The following PRKCA variants were observed in gnomAD, a reference collection of about 807,000 sequenced individuals.
The protein encoded by PRKCA is protein kinase C alpha, also known as protein kinase C alpha type.
A neutral mutation model predicts 87.0 loss-of-function variants in PRKCA; 27 were observed. The ratio of observed to expected loss-of-function variants is 0.31; its 90% CI spans 0.23 to 0.43. The LOEUF is 0.43. Among genes scored for constraint, PRKCA ranks in the 20% least tolerant of loss-of-function variants. The probability of loss-of-function intolerance (pLI) is 1.00; values close to 1 mark genes in which losing one functional copy is unlikely to be tolerated. For missense variants in PRKCA, 518 were observed against 852.3 expected (o/e 0.61, Z 4.88); for synonymous variants, 329 against 311.1 (o/e 1.06, Z -0.61).
chr17:66,549,715 G>A (rs1242301684), intron 3 of PRKCA, among the ~76,000 whole-genome samples: 1 of 150,668 alleles, frequency 6.6e-6, no homozygotes. Flanking sequence ...AGAGAGAGGA[G>A]TAAAAAAAGA....
At chr17:66,664,530 A>G (rs1971990826) in intron 5 of PRKCA, among the ~76,000 whole-genome samples, 1 of 151,602 alleles carries the variant, frequency 6.6e-6, no homozygotes, top group South Asian at 2.1e-4. Context: ...GATAAGAGGT[A>G]TTGCCAGGTG....
At chr17:66,662,459 T>A (rs1971933538) in intron 5 of PRKCA, among the ~76,000 whole-genome samples, 1 of 151,978 alleles carries the variant, frequency 6.6e-6, no homozygotes, top group Non-Finnish European at 1.5e-5. Context: ...GGTTTGGGGG[T>A]CATCTTAGTT....
chr17:66,683,006 A>T (rs1399864775), intron 5 of PRKCA, among the ~76,000 whole-genome samples: 1 of 152,174 alleles, frequency 6.6e-6, no homozygotes, highest in Non-Finnish European at 1.5e-5. Flanking sequence ...AAATTACGTG[A>T]TGAGTTAGTT....
intron 16 of PRKCA, among the ~76,000 whole-genome samples, chr17:66,797,352 G>A (rs1975693734): frequency 6.6e-6 from 1 of 152,224 alleles, no homozygotes; most frequent in African/African-American, 2.4e-5. Flanking sequence ...TGGGTCCGTT[G>A]CATTCATTGA....
intron 2 of PRKCA, among the ~76,000 whole-genome samples, chr17:66,411,871 G>T (rs1911827270): frequency 6.7e-6 from 1 of 149,478 alleles, no homozygotes; most frequent in Non-Finnish European, 1.5e-5. Context: ...CTACTTTCTG[G>T]TAATTTTTGA....
intron 2 of PRKCA, among the ~76,000 whole-genome samples, chr17:66,449,844 T>C (rs562075128): frequency 1.3e-5 from 2 of 152,266 alleles, no homozygotes; most frequent in African/African-American, 4.8e-5. Flanking sequence ...GCCTCAGGTG[T>C]AGGCAGCTTT....
intron 3 of PRKCA, among the ~76,000 whole-genome samples, chr17:66,527,339 C>T (rs1266055454): frequency 1.3e-5 from 2 of 152,062 alleles, no homozygotes; most frequent in African/African-American, 4.8e-5. Flanking sequence ...GCACTGATGA[C>T]CAATGCAATT....
intron 2 of PRKCA, among the ~76,000 whole-genome samples, chr17:66,356,658 A>G (rs1908076216): frequency 6.6e-6 from 1 of 152,098 alleles, no homozygotes; most frequent in Non-Finnish European, 1.5e-5. Flanking sequence ...CAAACAAAAC[A>G]CCATACAGAT....
At chr17:66,414,065 T>C (rs1911979583) in intron 2 of PRKCA, among the ~76,000 whole-genome samples, 1 of 151,490 alleles carries the variant, frequency 6.6e-6, no homozygotes, top group South Asian at 2.1e-4. Context: ...TATAAATAGA[T>C]AGGGACGTAA....
At chr17:66,496,980 G>A (rs1354252531) in intron 3 of PRKCA, among the ~76,000 whole-genome samples, 1 of 152,102 alleles carries the variant, frequency 6.6e-6, no homozygotes, top group Admixed American at 6.5e-5. Context: ...TAAACCAATA[G>A]GAGCATCATT....
intron 13 of PRKCA, among the ~76,000 whole-genome samples, chr17:66,747,705 T>A (rs1383236842): frequency 6.6e-6 from 1 of 152,256 alleles, no homozygotes; most frequent in Non-Finnish European, 1.5e-5. Context: ...CACGTTTTCT[T>A]GGCCACTCAC....
At chr17:66,433,392 C>T (rs1393825229) in intron 2 of PRKCA, among the ~76,000 whole-genome samples, 1 of 152,224 alleles carries the variant, frequency 6.6e-6, no homozygotes, top group African/African-American at 2.4e-5. Flanking sequence ...CCCTGCTGAG[C>T]TATTGCAGAT....
chr17:66,390,197 G>A (rs1283729383), intron 2 of PRKCA, among the ~76,000 whole-genome samples: 2 of 150,992 alleles, frequency 1.3e-5, no homozygotes, highest in Non-Finnish European at 2.9e-5. Flanking sequence ...ACTCTAGCCT[G>A]AGCAATAAGA....
chr17:66,533,749 G>A (rs1252194552), intron 3 of PRKCA, among the ~76,000 whole-genome samples: 1 of 152,168 alleles, frequency 6.6e-6, no homozygotes, highest in African/African-American at 2.4e-5. Flanking sequence ...TTCCTGCAAG[G>A]CTGTTGTTGA....
At chr17:66,763,667 C>T (rs1974735780) in intron 13 of PRKCA, among the ~76,000 whole-genome samples, 1 of 152,140 alleles carries the variant, frequency 6.6e-6, no homozygotes, top group Admixed American at 6.5e-5. Flanking sequence ...GTGTTTTATG[C>T]ATAAAGGCCA....
chr17:66,463,291 A>G (rs1914937620), intron 2 of PRKCA, among the ~76,000 whole-genome samples: 1 of 152,158 alleles, frequency 6.6e-6, no homozygotes, highest in Admixed American at 6.5e-5. Context: ...TATGTGAGTT[A>G]AGTCACTTGA....
chr17:66,712,011 C>G (rs951542839), intron 8 of PRKCA, among the ~76,000 whole-genome samples: 3 of 152,110 alleles, frequency 2.0e-5, no homozygotes, highest in African/African-American at 7.2e-5. Flanking sequence ...GTTACTGCCC[C>G]CCCTCCACCC....
intron 5 of PRKCA, among the ~76,000 whole-genome samples, chr17:66,647,223 C>T (rs537955227): frequency 1.7e-4 from 26 of 152,140 alleles, no homozygotes; most frequent in African/African-American, 5.1e-4. Flanking sequence ...ATTTTGCAGC[C>T]GAGGGGAAAA....
chr17:66,403,376 C>T (rs1911152589), intron 2 of PRKCA, among the ~76,000 whole-genome samples: 1 of 152,158 alleles, frequency 6.6e-6, no homozygotes, highest in African/African-American at 2.4e-5. Context: ...TCCATACACA[C>T]CTACATACAC....
Sources: allele counts gnomAD v4.1 joint callset (sites outside exome capture counted in the v4.1 genomes callset), GRCh38; gene constraint gnomAD v4.1.1; transcripts MANE v1.5; gene names NCBI Gene and HGNC (gene_info 2026-07-23, HGNC 2026-07-21).